KIAA1549L: variants seen among roughly 807,000 people sequenced by gnomAD.
The protein encoded by KIAA1549L is UPF0606 protein KIAA1549L.
In KIAA1549L, 88 loss-of-function variants were observed where a neutral mutation model predicts 160.7. The ratio of observed to expected loss-of-function variants is 0.55; its 90% CI spans 0.46 to 0.65. The LOEUF is 0.65. KIAA1549L is among the 30% of genes least tolerant of loss of function. KIAA1549L has a pLI of 0.00. For missense variants in KIAA1549L, 2,258 were observed against 2,437.5 expected (o/e 0.93, Z 1.55); for synonymous variants, 950 against 976.7 (o/e 0.97, Z 0.51).
chr11:33,465,143 C>T (rs776277723), intron 1 of KIAA1549L, among the ~76,000 whole-genome samples: 1 of 150,516 alleles, frequency 6.6e-6, no homozygotes, highest in Non-Finnish European at 1.5e-5. Context: ...GCAACCTCCG[C>T]CTCCCAGGCT....
At chr11:33,435,759 G>GATAT (rs71034686) in intron 1 of KIAA1549L, among the ~76,000 whole-genome samples, 12 of 14,966 alleles carry the variant, frequency 8.0e-4, no homozygotes, top group African/African-American at 8.9e-4. Context: ...GAACCAATAA[G>GATAT]ATATATATAT....
chr11:33,486,562 T>C (rs1852532413), intron 1 of KIAA1549L, among the ~76,000 whole-genome samples: 2 of 152,228 alleles, frequency 1.3e-5, no homozygotes, highest in South Asian at 4.1e-4. Context: ...TTAATTTAAT[T>C]AAGTCTTTGT....
At chr11:33,381,528 T>C (rs1343092294) in intron 1 of KIAA1549L, among the ~76,000 whole-genome samples, 2 of 152,106 alleles carry the variant, frequency 1.3e-5, no homozygotes, top group African/African-American at 4.8e-5. Flanking sequence ...GAAATGATGT[T>C]GAAGAGAGAG....
chr11:33,639,785 C>T (rs1169333049), intron 16 of KIAA1549L, among the ~76,000 whole-genome samples: 1 of 152,192 alleles, frequency 6.6e-6, no homozygotes, highest in Non-Finnish European at 1.5e-5. Flanking sequence ...AATGATCCGC[C>T]CGCCTTGGCC....
intron 1 of KIAA1549L, among the ~76,000 whole-genome samples, chr11:33,393,451 G>A (rs148116587): frequency 9.9e-5 from 15 of 152,268 alleles, no homozygotes; most frequent in East Asian, 1.9e-4. Context: ...AGGTAATCCC[G>A]GGTACAATGG....
chr11:33,391,695 T>C (rs1850275594), intron 1 of KIAA1549L, among the ~76,000 whole-genome samples: 1 of 152,144 alleles, frequency 6.6e-6, no homozygotes, highest in Admixed American at 6.5e-5. Context: ...CTTGGCCAGC[T>C]CTCACAACGG....
intron 13 of KIAA1549L, chr11:33,599,564 G>A (rs1850300051): frequency 6.6e-6 from 1 of 152,114 alleles, no homozygotes; most frequent in African/African-American, 2.4e-5. Context: ...CAGGGAAGCT[G>A]AACTACTTAG....
At chr11:33,595,084 T>G (rs2133295561) in intron 12 of KIAA1549L, among the ~76,000 whole-genome samples, 1 of 152,334 alleles carries the variant, frequency 6.6e-6, no homozygotes, top group East Asian at 1.9e-4. Context: ...TTTTTTAGAA[T>G]AAGCACTTCT....
At chr11:33,659,934 G>A (rs1852203394) in intron 19 of KIAA1549L, among the ~76,000 whole-genome samples, 2 of 152,202 alleles carry the variant, frequency 1.3e-5, no homozygotes, top group Non-Finnish European at 2.9e-5. Context: ...AACCCCTGGA[G>A]ACCTTTGTCC....
At chr11:33,639,220 G>A (rs1313004821) in intron 16 of KIAA1549L, among the ~76,000 whole-genome samples, 2 of 152,230 alleles carry the variant, frequency 1.3e-5, no homozygotes, top group Non-Finnish European at 2.9e-5. Flanking sequence ...GTGTTTCAAA[G>A]AGAGGATGAA....
chr11:33,493,205 C>T (rs1191138400), intron 1 of KIAA1549L, among the ~76,000 whole-genome samples: 1 of 151,962 alleles, frequency 6.6e-6, no homozygotes, highest in Non-Finnish European at 1.5e-5. Context: ...TAATCCCCAA[C>T]ATAACACTGT....
At chr11:33,643,322 G>A (rs1183704749) in intron 16 of KIAA1549L, among the ~76,000 whole-genome samples, 1 of 152,106 alleles carries the variant, frequency 6.6e-6, no homozygotes, top group Non-Finnish European at 1.5e-5. Context: ...ACCTTACTCG[G>A]AGAACTCACC....
chr11:33,406,361 A>G (rs1590223716), intron 1 of KIAA1549L, among the ~76,000 whole-genome samples: 1 of 152,100 alleles, frequency 6.6e-6, no homozygotes, highest in Non-Finnish European at 1.5e-5. Flanking sequence ...GCCGGCTGCG[A>G]CTTATGCTTC....
Position 33,668,270 on chromosome 11 carries a change from C to T in KIAA1549L, c.*116C>T, listed in dbSNP as rs1198907353. ...CAATGGGTGAGTCTTTCTCACCCTC[C>T]ATTTCTGAAAAGGTGAACTATGGGG... On this transcript the variant is annotated 3_prime_UTR_variant, in exon 21 of 21. Coordinates refer to ENST00000658780, the MANE Select transcript of KIAA1549L (RefSeq NM_012194.3). 13 of 964,718 alleles carry T rather than the reference C, an allele frequency of 1.3e-5. No homozygotes were observed. The highest frequency in any genetic ancestry group is 2.6e-5 in the Admixed American group (1 of 37,784). The allele number at this position is 964,718 out of a possible 1,614,324, so 59.8% of individuals were successfully genotyped here. A position where few individuals can be genotyped will look rare whatever the true frequency, so the allele number is the denominator to read the frequency against.
chr11:33,430,757 C>A (rs769266966), intron 1 of KIAA1549L, among the ~76,000 whole-genome samples: 22 of 152,138 alleles, frequency 1.4e-4, no homozygotes, highest in Non-Finnish European at 2.4e-4. Context: ...CAGAAGCAGC[C>A]CTGGGAGGGC....
In KIAA1549L at chr11:33,583,412, A is replaced by G. The variant is rs761088489; in HGVS notation, c.4477A>G (p.Ile1493Val). 5 of 1,566,444 alleles carry G rather than the reference A, an allele frequency of 3.2e-6. No individual in the cohort carries two copies. The East Asian group carries it at 9.3e-5, about 29-fold the overall frequency. ...VLAPIAVVTV[I>V]IIIITAVLCR... is the part of the protein sequence containing the mutation. ...GGCGCCCATTGCCGTGGTCACGGTC[A>G]TCATCATCATCATCACTGCCGTGCT... Residue 1493 changes from isoleucine to valine, a missense_variant, in exon 11 of 21, where the codon ATC (isoleucine) becomes GTC (valine). This residue lies in a region of KIAA1549L where 1,359 missense variants were observed against 1,546.6 expected (regional missense o/e 0.88). Transcript: ENST00000658780.
At chr11:33,408,877 G>A (rs1205841358) in intron 1 of KIAA1549L, among the ~76,000 whole-genome samples, 1 of 145,410 alleles carries the variant, frequency 6.9e-6, no homozygotes, top group African/African-American at 2.5e-5. Flanking sequence ...TTGAATCCAG[G>A]AGGCAAAGGC....
intron 1 of KIAA1549L, among the ~76,000 whole-genome samples, chr11:33,436,864 CATTCAA>C (rs1851391914): frequency 6.6e-6 from 1 of 152,150 alleles, no homozygotes; most frequent in African/African-American, 2.4e-5. Flanking sequence ...GGGCTAAGGA[CATTCAA>C]CTTGTTGGAG....
rs1202324271 is a variant in KIAA1549L at position 33,668,840 on chromosome 11, AT to A, written c.*692del. On this transcript the variant is annotated 3_prime_UTR_variant, in exon 21 of 21. Transcript: ENST00000658780. ...GGGAATGGTGGATTTGCGTTGACAG[AT>A]TTTTTAAAAGGTGTTGCCATTTTGG... 7.9e-5 allele frequency: 12 copies of A among 152,348 alleles called. No individual in the cohort carries two copies. In the East Asian group the frequency reaches 1.3e-3, roughly 17 times the overall value. 9.4% of individuals were successfully genotyped at this position (152,348 alleles called of 1,614,324 possible). A position where few individuals can be genotyped will look rare whatever the true frequency, so the allele number is the denominator to read the frequency against.
Sources: allele counts gnomAD v4.1 joint callset (sites outside exome capture counted in the v4.1 genomes callset), GRCh38; gene constraint gnomAD v4.1.1; regional missense constraint gnomAD v4.1.1; transcripts MANE v1.5; gene names NCBI Gene and HGNC (gene_info 2026-07-23, HGNC 2026-07-21).